PDE1A: variants seen among roughly 807,000 people sequenced by gnomAD.
PDE1A encodes phosphodiesterase 1A.
Under a neutral mutation model 61.7 loss-of-function variants are expected in PDE1A, and 35 were observed. That is an observed-to-expected ratio of 0.57 (90% CI 0.43 to 0.75). The LOEUF (loss-of-function observed/expected upper bound fraction) is 0.75. Among genes scored for constraint, PDE1A ranks in the 30% least tolerant of loss-of-function variants. PDE1A has a pLI of 0.00. For missense variants in PDE1A, 597 were observed against 630.6 expected, an observed-to-expected ratio of 0.95 and a Z score of 0.57; for synonymous variants, 232 against 213.2, an observed-to-expected ratio of 1.09 and a Z score of -0.77.
At chr2:182,627,154 A>G in the PDE1A span, among the ~76,000 whole-genome samples, 1 of 36,436 alleles carries the variant, frequency 2.7e-5, no homozygotes. Flanking sequence ...TATTATTTAT[A>G]TATAAAATAT....
At chr2:182,239,206 G>A (rs1690304194) in intron 3 of PDE1A, among the ~76,000 whole-genome samples, 1 of 152,100 alleles carries the variant, frequency 6.6e-6, no homozygotes, top group South Asian at 2.1e-4. Flanking sequence ...TAACGGTAAT[G>A]CCTAGAGATA....
intron 2 of PDE1A, among the ~76,000 whole-genome samples, chr2:182,501,230 T>C (rs981544811): frequency 6.6e-6 from 1 of 152,208 alleles, no homozygotes; most frequent in African/African-American, 2.4e-5. Flanking sequence ...ACAGCAGTCC[T>C]TCATTGCATG....
At chr2:182,529,407 A>T in the PDE1A span, among the ~76,000 whole-genome samples, 1 of 152,168 alleles carries the variant, frequency 6.6e-6, no homozygotes, top group Non-Finnish European at 1.5e-5. Context: ...CCCAATGCCC[A>T]TACCCCCATC....
At chr2:182,605,747 G>T in the PDE1A span, among the ~76,000 whole-genome samples, 1 of 152,176 alleles carries the variant, frequency 6.6e-6, no homozygotes, top group African/African-American at 2.4e-5. Context: ...TAGTCAAATT[G>T]TGTCTCTGAG....
the PDE1A span, among the ~76,000 whole-genome samples, chr2:182,681,517 G>A: frequency 9.2e-4 from 137 of 149,228 alleles, 3 homozygotes; most frequent in African/African-American, 3.4e-3. Flanking sequence ...AAACCTGACA[G>A]CTGAAGACTT....
intron 2 of PDE1A, among the ~76,000 whole-genome samples, chr2:182,241,228 T>C (rs899754638): frequency 1.3e-5 from 2 of 152,172 alleles, no homozygotes; most frequent in Non-Finnish European, 2.9e-5. Flanking sequence ...AGAAACAGCT[T>C]ACAGAACAGT....
chr2:182,369,304 T>G (rs1358481797), intron 1 of PDE1A, among the ~76,000 whole-genome samples: 1 of 152,230 alleles, frequency 6.6e-6, no homozygotes, highest in Non-Finnish European at 1.5e-5. Flanking sequence ...CTTGATACAT[T>G]GTTTTTATAT....
At chr2:182,644,488 A>G in the PDE1A span, among the ~76,000 whole-genome samples, 1 of 152,090 alleles carries the variant, frequency 6.6e-6, no homozygotes, top group Non-Finnish European at 1.5e-5. Flanking sequence ...CAAAAATTCT[A>G]CATTAGAAGG....
At chr2:182,459,798 C>G (rs146369541) in intron 2 of PDE1A, among the ~76,000 whole-genome samples, 1 of 152,306 alleles carries the variant, frequency 6.6e-6, no homozygotes, top group African/African-American at 2.4e-5. Context: ...CAAATATCCA[C>G]TGTAGCATGC....
In PDE1A at chr2:182,172,055, A is replaced by G. The variant is rs1160734565; in HGVS notation, c.1517-3765T>C. Reference sequence around the variant, plus strand: ...AGCATAGCAAATGCAGACATAAAACATGAGGAGAAACTTTTGGGGAACAAC... The same window carrying G: ...AGCATAGCAAATGCAGACATAAAACGTGAGGAGAAACTTTTGGGGAACAAC... On this transcript the variant is annotated intron_variant, in intron 13 of 13. Transcript: ENST00000351439. 7.9e-5 allele frequency among the ~76,000 whole-genome samples: 12 copies of G among 152,030 alleles called. No homozygotes were observed. The South Asian group carries it at 2.1e-3, about 26-fold the overall frequency.
chr2:182,426,459 CT>C (rs1703626802), intron 1 of PDE1A, 118 bp downstream of exon 1: 2 of 716,152 alleles, frequency 2.8e-6, no homozygotes, highest in Non-Finnish European at 4.8e-6. Context: ...TGAAGTTAAA[CT>C]TTAAGCACTC....
chr2:182,486,675 T>C (rs550046662), intron 2 of PDE1A, among the ~76,000 whole-genome samples: 4 of 152,166 alleles, frequency 2.6e-5, no homozygotes, highest in East Asian at 1.9e-4. Flanking sequence ...AAAGCTACCA[T>C]TGGGAAATGG....
chr2:182,629,703 T>G, the PDE1A span, among the ~76,000 whole-genome samples: 3 of 152,218 alleles, frequency 2.0e-5, no homozygotes, highest in Non-Finnish European at 4.4e-5. Flanking sequence ...ATCAACATTA[T>G]GTATACATGT....
At chr2:182,598,955 C>T in the PDE1A span, among the ~76,000 whole-genome samples, 1 of 152,194 alleles carries the variant, frequency 6.6e-6, no homozygotes, top group Non-Finnish European at 1.5e-5. Context: ...GGGATGGAGG[C>T]TGGAGTTCTC....
chr2:182,152,138 C>A (rs974723911), intron 13 of PDE1A, among the ~76,000 whole-genome samples: 1 of 152,028 alleles, frequency 6.6e-6, no homozygotes, highest in Non-Finnish European at 1.5e-5. Context: ...AAGAATATTA[C>A]CTTTGCTATG....
intron 7 of PDE1A, among the ~76,000 whole-genome samples, chr2:182,217,511 C>A (rs1233496765): frequency 1.4e-5 from 2 of 143,220 alleles, no homozygotes; most frequent in South Asian, 2.3e-4. Context: ...ATTTTCGCAA[C>A]CTACTCATCT....
chr2:182,429,957 TG>T (rs1279554491), upstream of PDE1A, among the ~76,000 whole-genome samples: 1 of 152,196 alleles, frequency 6.6e-6, no homozygotes, highest in Non-Finnish European at 1.5e-5. Flanking sequence ...ACCACATGTG[TG>T]TTCTTTTTGT....
At chr2:182,203,941 G>C (rs1686882181) in intron 8 of PDE1A, among the ~76,000 whole-genome samples, 1 of 151,932 alleles carries the variant, frequency 6.6e-6, no homozygotes, top group Admixed American at 6.6e-5. Context: ...TACACTATTT[G>C]TTAAAACAAT....
At chr2:182,386,772 C>T (rs1281367082) in intron 1 of PDE1A, among the ~76,000 whole-genome samples, 5 of 151,544 alleles carry the variant, frequency 3.3e-5, no homozygotes, top group East Asian at 2.0e-4. Flanking sequence ...AGCCCCCACC[C>T]GGCCAGCCGC....
Sources: allele counts gnomAD v4.1 joint callset (sites outside exome capture counted in the v4.1 genomes callset), GRCh38; gene constraint gnomAD v4.1.1; transcripts MANE v1.5; gene names NCBI Gene and HGNC (gene_info 2026-07-23, HGNC 2026-07-21).